The following HS6ST3 variants were observed in gnomAD, a reference collection of about 807,000 sequenced individuals.
The protein encoded by HS6ST3 is heparan-sulfate 6-O-sulfotransferase 3.
A neutral mutation model predicts 36.7 loss-of-function variants in HS6ST3; 12 were observed. The observed-to-expected ratio is 0.33, with a 90% CI of 0.21 to 0.53. The LOEUF (loss-of-function observed/expected upper bound fraction) is 0.53, where lower values mean the gene tolerates loss of function less well. Ranked by LOEUF, HS6ST3 falls within the 20% of genes least tolerant of loss-of-function variation. The pLI is 0.95. For synonymous variants in HS6ST3, 240 were observed against 257.5 expected (o/e 0.93, Z 0.65); for missense variants, 584 against 640.9 (o/e 0.91, Z 0.96).
In HS6ST3 at chr13:96,588,163, G is replaced by A. The variant is rs570781499; in HGVS notation, c.708-244327G>A. On this transcript the variant is annotated intron_variant, in intron 1 of 1. Coordinates refer to ENST00000376705, the MANE Select transcript of HS6ST3 (RefSeq NM_153456.4). ...CAGTTTTTATGTGTATTGTGTGTGT[G>A]TAGAGTCTGCAAACAGGGACAATTT... is the stretch of plus-strand genomic sequence containing the variant. 2.7e-5 allele frequency among the ~76,000 whole-genome samples: 4 copies of A among 148,566 alleles called. No individual in the cohort carries two copies. In the South Asian group the frequency reaches 6.3e-4, roughly 23 times the overall value.
chr13:96,340,776 G>C (rs569743029), intron 1 of HS6ST3, among the ~76,000 whole-genome samples: 20 of 152,336 alleles, frequency 1.3e-4, no homozygotes, highest in African/African-American at 4.8e-4. Flanking sequence ...CTATATAAGA[G>C]ATGGTCAGTA....
At chr13:96,099,216 A>G (rs987453337) in intron 1 of HS6ST3, among the ~76,000 whole-genome samples, 2 of 152,216 alleles carry the variant, frequency 1.3e-5, no homozygotes, top group Admixed American at 6.5e-5. Flanking sequence ...TGCTGAGATT[A>G]CAGGTGTGAG....
At chr13:96,782,127 T>C (rs999451791) in intron 1 of HS6ST3, among the ~76,000 whole-genome samples, 1 of 152,224 alleles carries the variant, frequency 6.6e-6, no homozygotes, top group African/African-American at 2.4e-5. Context: ...ACTGGTGTTT[T>C]TCCAGAGTCT....
chr13:96,391,793 C>T (rs1446768824), intron 1 of HS6ST3, among the ~76,000 whole-genome samples: 4 of 152,160 alleles, frequency 2.6e-5, no homozygotes, highest in South Asian at 2.1e-4. Flanking sequence ...CCTGCACCCA[C>T]GATTCAATCA....
At chr13:96,339,016 G>A (rs953670519) in intron 1 of HS6ST3, among the ~76,000 whole-genome samples, 5 of 152,050 alleles carry the variant, frequency 3.3e-5, no homozygotes, top group Admixed American at 3.3e-4. Context: ...ACTGCTGCCT[G>A]CTGTACGTTG....
At chr13:96,673,848 A>T (rs1019457641) in intron 1 of HS6ST3, among the ~76,000 whole-genome samples, 2 of 152,064 alleles carry the variant, frequency 1.3e-5, no homozygotes, top group African/African-American at 4.8e-5. Context: ...CTTAGGCATG[A>T]TTATTTAAAT....
chr13:96,713,149 A>T (rs1226729057), intron 1 of HS6ST3, among the ~76,000 whole-genome samples: 1 of 152,160 alleles, frequency 6.6e-6, no homozygotes, highest in Non-Finnish European at 1.5e-5. Context: ...GAAATTCCAC[A>T]TCTGTCCCAA....
chr13:96,831,401 G>T, intron 1 of HS6ST3, among the ~76,000 whole-genome samples: 1 of 152,100 alleles, frequency 6.6e-6, no homozygotes. Flanking sequence ...AATCAAATAG[G>T]CCTAACTTAG....
At chr13:96,396,671 C>T (rs977872973) in intron 1 of HS6ST3, among the ~76,000 whole-genome samples, 10 of 152,120 alleles carry the variant, frequency 6.6e-5, no homozygotes, top group African/African-American at 2.4e-4. Flanking sequence ...CCATCCCCAT[C>T]AGTTGCTAAA....
At chr13:96,285,782 G>T (rs1364273884) in intron 1 of HS6ST3, among the ~76,000 whole-genome samples, 1 of 152,086 alleles carries the variant, frequency 6.6e-6, no homozygotes, top group Non-Finnish European at 1.5e-5. Context: ...CAAGTCTTAT[G>T]GTTCTCTAGC....
At chr13:96,659,866 A>G (rs1206171474) in intron 1 of HS6ST3, among the ~76,000 whole-genome samples, 3 of 152,216 alleles carry the variant, frequency 2.0e-5, no homozygotes, top group East Asian at 1.9e-4. Flanking sequence ...AAAAGTTTAT[A>G]TATTGGTTAA....
chr13:96,431,357 A>G (rs1340333221), intron 1 of HS6ST3, among the ~76,000 whole-genome samples: 1 of 152,062 alleles, frequency 6.6e-6, no homozygotes, highest in Non-Finnish European at 1.5e-5. Context: ...CCCTCCTCCA[A>G]ATCTCATTGT....
intron 1 of HS6ST3, among the ~76,000 whole-genome samples, chr13:96,286,167 T>C (rs955627555): frequency 3.9e-5 from 6 of 152,190 alleles, no homozygotes; most frequent in Non-Finnish European, 5.9e-5. Context: ...GCTGACATTG[T>C]CTGACAAGTG....
chr13:96,439,361 A>C (rs2055658817), intron 1 of HS6ST3, among the ~76,000 whole-genome samples: 1 of 152,246 alleles, frequency 6.6e-6, no homozygotes, highest in Non-Finnish European at 1.5e-5. Context: ...GTAATCTCTT[A>C]AATTATAGCA....
At chr13:96,177,648 G>T (rs1400920093) in intron 1 of HS6ST3, among the ~76,000 whole-genome samples, 1 of 152,086 alleles carries the variant, frequency 6.6e-6, no homozygotes, top group African/African-American at 2.4e-5. Flanking sequence ...TAGGGAGGGT[G>T]GGAGGAGGGA....
At chr13:96,295,950 T>C (rs1466957218) in intron 1 of HS6ST3, among the ~76,000 whole-genome samples, 1 of 152,150 alleles carries the variant, frequency 6.6e-6, no homozygotes, top group Non-Finnish European at 1.5e-5. Flanking sequence ...TTTTCTGCTA[T>C]TATCAAATCT....
chr13:96,504,206 A>C (rs538394470), intron 1 of HS6ST3, among the ~76,000 whole-genome samples: 4 of 152,292 alleles, frequency 2.6e-5, no homozygotes, highest in African/African-American at 7.2e-5. Flanking sequence ...GAACTAAGCC[A>C]TAGCAAAGTT....
At chr13:96,540,947 G>C (rs754632753) in intron 1 of HS6ST3, among the ~76,000 whole-genome samples, 3 of 152,154 alleles carry the variant, frequency 2.0e-5, no homozygotes, top group African/African-American at 7.2e-5. Flanking sequence ...ATATATGTCA[G>C]ACTTATTCCT....
At chr13:96,792,940 G>A (rs1358834188) in intron 1 of HS6ST3, among the ~76,000 whole-genome samples, 1 of 152,030 alleles carries the variant, frequency 6.6e-6, no homozygotes, top group African/African-American at 2.4e-5. Context: ...TCTCTAATCA[G>A]CAACTTTTGC....
Sources: allele counts gnomAD v4.1 joint callset (sites outside exome capture counted in the v4.1 genomes callset), GRCh38; gene constraint gnomAD v4.1.1; transcripts MANE v1.5; gene names NCBI Gene and HGNC (gene_info 2026-07-23, HGNC 2026-07-21).